The following PRKCE variants were observed in gnomAD, a reference collection of about 807,000 sequenced individuals.
The protein encoded by PRKCE is protein kinase C epsilon type.
Under a neutral mutation model 85.4 loss-of-function variants are expected in PRKCE, and 16 were observed. The ratio of observed to expected loss-of-function variants is 0.19; its 90% CI spans 0.13 to 0.28. PRKCE has a LOEUF of 0.28. PRKCE is among the 10% of genes least tolerant of loss of function. The pLI is 1.00. For missense variants in PRKCE, 573 were observed against 975.2 expected (o/e 0.59, Z 5.49); for synonymous variants, 388 against 371.5 (o/e 1.04, Z -0.51).
intron 1 of PRKCE, among the ~76,000 whole-genome samples, chr2:45,814,635 A>T (rs1688895135): frequency 6.6e-6 from 1 of 152,226 alleles, no homozygotes; most frequent in African/African-American, 2.4e-5. Context: ...AACGAGGAGC[A>T]CCAATTCTCC....
chr2:46,061,950 G>A (rs867275688), intron 10 of PRKCE, among the ~76,000 whole-genome samples: 4 of 143,714 alleles, frequency 2.8e-5, no homozygotes, highest in African/African-American at 8.0e-5. Flanking sequence ...TCCGCCTCCC[G>A]GGTTCGGGTT....
intron 2 of PRKCE, among the ~76,000 whole-genome samples, chr2:45,916,208 GTTC>G (rs983607940): frequency 5.6e-4 from 85 of 150,558 alleles, no homozygotes; most frequent in African/African-American, 1.8e-3. Context: ...GAGAGAACTA[GTTC>G]TTCTATATTC....
At chr2:45,719,341 T>C (rs1460924355) in intron 1 of PRKCE, among the ~76,000 whole-genome samples, 4 of 152,272 alleles carry the variant, frequency 2.6e-5, no homozygotes, top group Admixed American at 1.3e-4. Context: ...GGATTAATCT[T>C]ACAGTTTTAT....
At chr2:45,720,167 A>G (rs1680492017) in intron 1 of PRKCE, among the ~76,000 whole-genome samples, 1 of 152,072 alleles carries the variant, frequency 6.6e-6, no homozygotes, top group Admixed American at 6.5e-5. Context: ...GGGTAAGAGG[A>G]ACTGTAGCAA....
intron 12 of PRKCE, among the ~76,000 whole-genome samples, chr2:46,148,147 C>T (rs1334141014): frequency 2.6e-5 from 4 of 152,228 alleles, no homozygotes; most frequent in Non-Finnish European, 4.4e-5. Context: ...TGCTTTCCCA[C>T]TCCCAGCCCC....
chr2:46,081,220 C>A (rs1669044412), intron 10 of PRKCE, among the ~76,000 whole-genome samples: 1 of 152,246 alleles, frequency 6.6e-6, no homozygotes, highest in South Asian at 2.1e-4. Context: ...AGCCATCCTG[C>A]CACCTCAGCC....
At chr2:46,111,511 C>G (rs1672252458) in intron 11 of PRKCE, among the ~76,000 whole-genome samples, 1 of 152,164 alleles carries the variant, frequency 6.6e-6, no homozygotes, top group Non-Finnish European at 1.5e-5. Flanking sequence ...ATCCCCTTAC[C>G]CTGAGCCTTA....
At chr2:45,834,223 T>G (rs931642196) in intron 1 of PRKCE, among the ~76,000 whole-genome samples, 4 of 152,220 alleles carry the variant, frequency 2.6e-5, no homozygotes, top group African/African-American at 9.6e-5. Flanking sequence ...TGCTGCTAAC[T>G]TGGTTCCCAG....
chr2:45,683,092 G>A (rs964087652), intron 1 of PRKCE, among the ~76,000 whole-genome samples: 7 of 152,188 alleles, frequency 4.6e-5, no homozygotes, highest in African/African-American at 1.7e-4. Context: ...GACAAATCCA[G>A]CAGAGATTTT....
chr2:45,873,469 A>ACC (rs1379099879), intron 2 of PRKCE, among the ~76,000 whole-genome samples: 2 of 149,982 alleles, frequency 1.3e-5, no homozygotes, highest in Non-Finnish European at 1.5e-5. Flanking sequence ...AAAAAAAAAA[A>ACC]AAAAAAACAA....
At chr2:45,801,023 T>TG (rs1287121330) in intron 1 of PRKCE, among the ~76,000 whole-genome samples, 1 of 151,422 alleles carries the variant, frequency 6.6e-6, no homozygotes, top group Non-Finnish European at 1.5e-5. Flanking sequence ...TAAGAATTAG[T>TG]GGGGGGAAGG....
At chr2:45,739,761 A>G (rs549177585) in intron 1 of PRKCE, among the ~76,000 whole-genome samples, 8 of 152,086 alleles carry the variant, frequency 5.3e-5, no homozygotes, top group Non-Finnish European at 1.0e-4. Context: ...TTAGATCTTG[A>G]TGGTGGTGGT....
In PRKCE at chr2:45,997,231, C is replaced by G. The variant is rs117840983; in HGVS notation, c.824-4173C>G. 4.2e-3 allele frequency among the ~76,000 whole-genome samples: 645 copies of G among 152,126 alleles called. 37 individuals are homozygous for G. The East Asian group carries it at 0.11, about 26-fold the overall frequency. The stretch of plus-strand genomic sequence containing the variant: ...TCTCTCTCACTAGCCTTACTAGAGG[C>G]TTATTGAGTCTATTGCTCTTTACAA... On this transcript the variant is annotated intron_variant, in intron 6 of 14. Transcript: ENST00000306156.
At position 45,976,597 on chromosome 2, in the gene PRKCE, T is replaced by G. The variant is rs765385889; in HGVS notation, c.572+9T>G. ...TGCAGAGACTTCATCTGGTAAGCCT[T>G]TCTCTTGGGAACCTCTAATTACAAC... On this transcript the variant is annotated intron_variant, in intron 3 of 14. Transcript: ENST00000306156. The G allele has an allele frequency of 2.5e-6, 4 of 1,598,878 alleles. No individual in the cohort carries two copies. The East Asian group carries it at 8.9e-5, about 36-fold the overall frequency.
At chr2:45,663,442 AG>A (rs200799136) in intron 1 of PRKCE, among the ~76,000 whole-genome samples, 2,016 of 152,244 alleles carry the variant, frequency 0.013, 44 homozygotes, top group African/African-American at 0.045. Context: ...CCAGGCCTTG[AG>A]GAAAATGGGA....
rs114159812 is a variant in PRKCE at position 46,012,434 on chromosome 2, C to T, written c.1437+1917C>T. Among the ~76,000 whole-genome samples, 300 of 152,258 alleles carry T rather than the reference C, an allele frequency of 2.0e-3. 2 individuals carry two copies. Among genetic ancestry groups the T allele is most frequent in the African/African-American group, 7.0e-3 (291 of 41,528 alleles). On this transcript the variant is annotated intron_variant, in intron 10 of 14. Transcript: ENST00000306156. ...CTGGCATCTCATCTAGTCTCAGGGA[C>T]TCCCAAGGTAGTGGGGCCTTGCTCT...
chr2:45,894,493 A>T (rs1695978442), intron 2 of PRKCE, among the ~76,000 whole-genome samples: 1 of 151,392 alleles, frequency 6.6e-6, no homozygotes, highest in Admixed American at 6.6e-5. Flanking sequence ...TTAAGATGAC[A>T]CATCTTTGCA....
chr2:46,032,044 C>T (rs1012578607), intron 10 of PRKCE, among the ~76,000 whole-genome samples: 14 of 152,164 alleles, frequency 9.2e-5, no homozygotes, highest in Non-Finnish European at 1.9e-4. Context: ...TCCTGGTGTT[C>T]TCCTTTGCGC....
intron 2 of PRKCE, among the ~76,000 whole-genome samples, chr2:45,886,355 C>A (rs934931855): frequency 6.6e-6 from 1 of 152,204 alleles, no homozygotes; most frequent in Non-Finnish European, 1.5e-5. Flanking sequence ...TTCCTGAGAA[C>A]CCCTGCCCAT....
Sources: gnomAD v4.1 joint callset for allele counts (sites outside exome capture counted in the v4.1 genomes callset) on GRCh38, gnomAD v4.1.1 for gene constraint, MANE v1.5 for transcripts, NCBI Gene and HGNC (gene_info 2026-07-23, HGNC 2026-07-21) for gene names.